HBS1L: variants seen among roughly 807,000 people sequenced by gnomAD.
HBS1L encodes HBS1-like protein.
HBS1L carries 55 observed loss-of-function variants against 88.9 expected under a neutral mutation model. The ratio of observed to expected loss-of-function variants is 0.62; its 90% CI spans 0.50 to 0.77. The LOEUF (loss-of-function observed/expected upper bound fraction) is 0.77, where lower values mean the gene tolerates loss of function less well. Ranked by LOEUF, HBS1L falls within the 30% of genes least tolerant of loss-of-function variation. The probability of loss-of-function intolerance (pLI) is 0.00; values close to 1 mark genes in which losing one functional copy is unlikely to be tolerated. For missense variants in HBS1L, 741 were observed against 829.3 expected (o/e 0.89, Z 1.31); for synonymous variants, 267 against 288.5 (o/e 0.93, Z 0.76).
chr6:135,045,781 G>T (rs1238864295), intron 2 of HBS1L, among the ~76,000 whole-genome samples: 3 of 151,860 alleles, frequency 2.0e-5, no homozygotes, highest in Non-Finnish European at 4.4e-5. Context: ...GGAGGTTGAG[G>T]TGAGCCGAGA....
chr6:135,013,128 T>C (rs151224940), intron 4 of HBS1L, among the ~76,000 whole-genome samples: 1 of 152,178 alleles, frequency 6.6e-6, no homozygotes, highest in Non-Finnish European at 1.5e-5. Flanking sequence ...TGACCTCAAG[T>C]GAATCACTCA....
chr6:135,044,653 T>C (rs756166849), intron 2 of HBS1L, among the ~76,000 whole-genome samples: 2 of 152,220 alleles, frequency 1.3e-5, no homozygotes, highest in South Asian at 2.1e-4. Flanking sequence ...TTACAATTCA[T>C]GGCATTTTAG....
Position 134,997,641 on chromosome 6 carries a change from T to C in HBS1L, c.555A>G (p.Glu185=). 6.2e-7 allele frequency: 1 copy of C among 1,613,954 alleles called. No homozygotes were observed. The highest frequency in any genetic ancestry group is 8.5e-7 in the Non-Finnish European group (1 of 1,179,872). The change falls in exon 6 of 18, where the codon GAA becomes GAG. Residue 185 remains glutamate, a synonymous_variant. Transcript: ENST00000367837. ...GFEVPGVSSE[E]NGHSFHTPQK... ...GAGGTGTGTGGAAACTATGACCATTTTCTTCAGAAGATACTCTACAGAAGG... is the reference window on the plus strand; with the variant it reads ...GAGGTGTGTGGAAACTATGACCATTCTCTTCAGAAGATACTCTACAGAAGG...
At chr6:135,013,306 A>T (rs1368332238) in intron 4 of HBS1L, among the ~76,000 whole-genome samples, 2 of 152,228 alleles carry the variant, frequency 1.3e-5, no homozygotes, top group Non-Finnish European at 2.9e-5. Context: ...CAAAATGCCA[A>T]CTTCTTTTTC....
chr6:135,036,876 A>G (rs188713997), intron 4 of HBS1L: 15 of 1,551,676 alleles, frequency 9.7e-6, no homozygotes, highest in Admixed American at 3.9e-5. Flanking sequence ...CAAAATTGGA[A>G]TTCTTCCCTA....
intron 4 of HBS1L, among the ~76,000 whole-genome samples, chr6:135,012,305 T>C (rs1391006346): frequency 6.6e-6 from 1 of 152,202 alleles, no homozygotes; most frequent in African/African-American, 2.4e-5. Context: ...ATAGCAATGG[T>C]CCTATATCAT....
At position 134,969,339 on chromosome 6, in the gene HBS1L, C is replaced by G. The variant is rs1166193130; in HGVS notation, c.1798-1G>C. On this transcript the variant is annotated splice_acceptor_variant, in intron 15 of 17. Coordinates refer to ENST00000367837, the MANE Select transcript of HBS1L (RefSeq NM_006620.4). LOFTEE classifies it high-confidence loss of function. ...TGACAGTTTGGTAGTGTAACAGCAC[C>G]TAAAACAAAAAATTATAACACTAAA... The G allele has an allele frequency of 6.3e-7, 1 of 1,595,416 alleles. No homozygotes were observed. The highest frequency in any genetic ancestry group is 1.1e-5 in the South Asian group (1 of 90,648).
chr6:135,025,832 T>C (rs1436113476), intron 4 of HBS1L, among the ~76,000 whole-genome samples: 9 of 151,928 alleles, frequency 5.9e-5, no homozygotes, highest in Non-Finnish European at 1.3e-4. Flanking sequence ...ACAGAAGAGC[T>C]TGGAAAAAGA....
rs752526473 is a variant in HBS1L, at chr6:134,997,541, G to A, written c.655C>T (p.Pro219Ser). The change falls in exon 6 of 18, where the codon CCC becomes TCC. Residue 219 changes from proline (P) to serine (S), a missense_variant. By Grantham distance (74) the Pro-to-Ser change is moderately conservative. Transcript: ENST00000367837. ...TCTTCTGATGCTTGAATCGTGTGGG[G>A]TGGATTAGCAGATTTAGAAGCAGTC... The part of the protein sequence containing the change: ...LETASKSANP[P>S]HTIQASEEQS... The A allele has an allele frequency of 4.3e-6, 7 of 1,614,108 alleles. No individual in the cohort carries two copies. The South Asian group carries it at 4.4e-5, about 10-fold the overall frequency.
At chr6:135,048,476 A>T (rs1776980927) in intron 2 of HBS1L, among the ~76,000 whole-genome samples, 1 of 152,168 alleles carries the variant, frequency 6.6e-6, no homozygotes, top group East Asian at 1.9e-4. Flanking sequence ...CAGAGGTCTG[A>T]GTCCTGGCCC....
chr6:134,996,691 A>G (rs1733584392), intron 7 of HBS1L, 86 bp downstream of exon 7: 1 of 949,032 alleles, frequency 1.1e-6, no homozygotes, highest in African/African-American at 1.7e-5. Context: ...AGTATTTCAT[A>G]TGTTTTACAA....
chr6:134,987,907 C>A, intron 8 of HBS1L, 116 bp from the exon 9 acceptor site: 1 of 798,002 alleles, frequency 1.3e-6, no homozygotes, highest in South Asian at 3.6e-5. Flanking sequence ...TAACTACCCC[C>A]ACCAAAGCAA....
At chr6:135,043,176 T>G (rs1166355651) in intron 2 of HBS1L, among the ~76,000 whole-genome samples, 1 of 152,256 alleles carries the variant, frequency 6.6e-6, no homozygotes, top group African/African-American at 2.4e-5. Flanking sequence ...ACAGTACTAA[T>G]GCTTCCAGCT....
At chr6:135,053,606 G>C (rs548031640) in intron 1 of HBS1L, among the ~76,000 whole-genome samples, 1 of 152,320 alleles carries the variant, frequency 6.6e-6, no homozygotes, top group Admixed American at 6.5e-5. Flanking sequence ...TAGACGGACT[G>C]AGGTCACAGG....
At chr6:135,043,108 T>G (rs905872658) in intron 2 of HBS1L, among the ~76,000 whole-genome samples, 3 of 152,208 alleles carry the variant, frequency 2.0e-5, no homozygotes, top group Non-Finnish European at 2.9e-5. Context: ...TGCCAATACA[T>G]GCCTGAGTAT....
intron 2 of HBS1L, among the ~76,000 whole-genome samples, chr6:135,046,289 G>A (rs148112698): frequency 6.6e-6 from 1 of 151,186 alleles, no homozygotes; most frequent in Admixed American, 6.6e-5. Context: ...CAAGTTATTT[G>A]AACAAGACTT....
intron 4 of HBS1L, among the ~76,000 whole-genome samples, chr6:135,015,916 G>C (rs1165478053): frequency 7.7e-6 from 1 of 129,388 alleles, no homozygotes; most frequent in South Asian, 2.5e-4. Context: ...ACGGAGTCTT[G>C]TTCTGTTGCC....
chr6:135,000,894 T>C (rs896648724), intron 5 of HBS1L, among the ~76,000 whole-genome samples: 4 of 152,164 alleles, frequency 2.6e-5, no homozygotes, highest in African/African-American at 9.7e-5. Context: ...TTCACTGTGT[T>C]TCTATATGCT....
chr6:135,005,745 T>C (rs2114823476), intron 4 of HBS1L, among the ~76,000 whole-genome samples: 1 of 152,278 alleles, frequency 6.6e-6, no homozygotes, highest in Middle Eastern at 3.4e-3. Flanking sequence ...AAAGTACAGG[T>C]AGAAACTGAG....
Sources: allele counts gnomAD v4.1 joint callset (sites outside exome capture counted in the v4.1 genomes callset), GRCh38; gene constraint gnomAD v4.1.1; transcripts MANE v1.5; gene names NCBI Gene and HGNC (gene_info 2026-07-23, HGNC 2026-07-21).